Variants in NOX4 observed in about 807,000 individuals in gnomAD.
NOX4 encodes the protein NADPH oxidase 4.
A neutral mutation model predicts 87.6 loss-of-function variants in NOX4; 69 were observed. The ratio of observed to expected loss-of-function variants is 0.79; its 90% CI spans 0.65 to 0.96. The LOEUF is 0.96. Ranked by LOEUF, NOX4 falls within the 40% of genes least tolerant of loss-of-function variation. The pLI, the probability that NOX4 is intolerant of heterozygous loss-of-function variation, is 0.00. For synonymous variants in NOX4, 275 were observed against 238.2 expected (o/e 1.15, Z -1.42); for missense variants, 680 against 681.5 (o/e 1.00, Z 0.02).
At chr11:89,444,925 C>A (rs319028) in intron 4 of NOX4, among the ~76,000 whole-genome samples, 67 of 152,008 alleles carry the variant, frequency 4.4e-4, no homozygotes, top group Non-Finnish European at 7.9e-4. Context: ...TTTGGCAAAG[C>A]TAGGGTAATA....
chr11:89,381,619 G>C (rs2135096136), intron 11 of NOX4, among the ~76,000 whole-genome samples: 1 of 152,240 alleles, frequency 6.6e-6, no homozygotes, highest in Admixed American at 6.5e-5. Context: ...AAGCTTTATT[G>C]CTTAGCTTAA....
upstream of NOX4, chr11:89,491,495 AC>A: frequency 4.2e-6 from 2 of 479,978 alleles, no homozygotes. Context: ...AGCTGCCCAG[AC>A]GCCCAGCGCT....
intron 1 of NOX4, 134 bp downstream of exon 1, chr11:89,491,056 G>A: frequency 1.1e-6 from 1 of 879,512 alleles, no homozygotes; most frequent in South Asian, 1.5e-5. Context: ...CCAGCATAAA[G>A]TTTTGTAAGT....
At position 89,426,300 on chromosome 11, in the gene NOX4, C is replaced by T. The variant is rs568412010; in HGVS notation, c.549-4318G>A. Among the ~76,000 whole-genome samples the T allele has an allele frequency of 2.2e-4, 33 of 152,214 alleles. No homozygotes were observed. The East Asian group carries it at 2.3e-3, about 11-fold the overall frequency. On this transcript the variant is annotated intron_variant, in intron 7 of 17. Coordinates refer to ENST00000263317, the MANE Select transcript of NOX4 (RefSeq NM_016931.5). ...AGTCTACAGCTCTCAGTGTGAGCAACGCAGAGAAGGGTGATTTCTGCATTT... is the reference window on the plus strand; with the variant it reads ...AGTCTACAGCTCTCAGTGTGAGCAATGCAGAGAAGGGTGATTTCTGCATTT...
chr11:89,560,841 T>G, the NOX4 span, among the ~76,000 whole-genome samples: 1 of 150,962 alleles, frequency 6.6e-6, no homozygotes, highest in African/African-American at 2.4e-5. Flanking sequence ...ACACCATTTG[T>G]TTACCTTGTT....
At chr11:89,412,877 C>A (rs1942553359) in intron 8 of NOX4, among the ~76,000 whole-genome samples, 2 of 151,950 alleles carry the variant, frequency 1.3e-5, no homozygotes, top group Admixed American at 1.3e-4. Context: ...CATACATCAA[C>A]AAAGTAAAGA....
chr11:89,481,067 C>A (rs147127650), intron 2 of NOX4, among the ~76,000 whole-genome samples: 280 of 152,028 alleles, frequency 1.8e-3, no homozygotes, highest in African/African-American at 6.6e-3. Flanking sequence ...GTAACATGTT[C>A]CTACTGACGA....
At chr11:89,428,432 T>C (rs779489094) in intron 7 of NOX4, among the ~76,000 whole-genome samples, 2 of 151,824 alleles carry the variant, frequency 1.3e-5, no homozygotes, top group Non-Finnish European at 2.9e-5. Flanking sequence ...GCAAACTGGA[T>C]AGAGTCAAGA....
intron 2 of NOX4, among the ~76,000 whole-genome samples, chr11:89,463,653 T>G (rs1945562245): frequency 6.6e-6 from 1 of 151,988 alleles, no homozygotes; most frequent in Non-Finnish European, 1.5e-5. Context: ...TAATAAATAG[T>G]GTTTTCAGGA....
intron 3 of NOX4, among the ~76,000 whole-genome samples, chr11:89,450,991 C>G (rs1171671851): frequency 6.8e-6 from 1 of 147,438 alleles, no homozygotes; most frequent in Non-Finnish European, 1.5e-5. Flanking sequence ...CATGTCCTCA[C>G]TCATAGGTGG....
At position 89,340,304 on chromosome 11, in the gene NOX4, T is replaced by C; in HGVS notation, c.1338-133A>G. ...TATCCAATAGAAACCAACAGAAAAATCAGTCATTTACATTCTAGCGTCTGA... is the reference window on the plus strand; with the variant it reads ...TATCCAATAGAAACCAACAGAAAAACCAGTCATTTACATTCTAGCGTCTGA... On this transcript the variant is annotated intron_variant, in intron 14 of 17. Coordinates refer to ENST00000263317, the MANE Select transcript of NOX4 (RefSeq NM_016931.5). 3 of 615,280 alleles carry C rather than the reference T, an allele frequency of 4.9e-6. 1 individual carries two copies. Among genetic ancestry groups the C allele is most frequent in the Middle Eastern group, 6.6e-4 (2 of 3,018 alleles). 38.1% of individuals were successfully genotyped at this position (615,280 alleles called of 1,614,324 possible).
chr11:89,484,029 T>C (rs1370283507), intron 2 of NOX4, among the ~76,000 whole-genome samples: 8 of 152,124 alleles, frequency 5.3e-5, no homozygotes, highest in African/African-American at 1.9e-4. Context: ...ATGCCTTCCA[T>C]ACTATGGATG....
At chr11:89,343,563 T>C (rs2134920466) in intron 13 of NOX4, among the ~76,000 whole-genome samples, 1 of 152,288 alleles carries the variant, frequency 6.6e-6, no homozygotes, top group South Asian at 2.1e-4. Flanking sequence ...ATCTACTTTT[T>C]TGAGGGAGAT....
At chr11:89,584,077 C>A in the NOX4 span, among the ~76,000 whole-genome samples, 1 of 152,070 alleles carries the variant, frequency 6.6e-6, no homozygotes, top group African/African-American at 2.4e-5. Flanking sequence ...CACAGTCTCT[C>A]CTCTTGGGTA....
At chr11:89,529,836 G>A in the NOX4 span, among the ~76,000 whole-genome samples, 2 of 152,232 alleles carry the variant, frequency 1.3e-5, no homozygotes, top group Admixed American at 6.5e-5. Context: ...TATCAAACTG[G>A]ACACAATGTA....
At chr11:89,506,303 G>GAGAA in the NOX4 span, among the ~76,000 whole-genome samples, 15 of 139,966 alleles carry the variant, frequency 1.1e-4, no homozygotes, top group East Asian at 2.4e-3. Flanking sequence ...AAGAAAGAAA[G>GAGAA]AGAGAGAAAG....
chr11:89,516,057 T>G, the NOX4 span, among the ~76,000 whole-genome samples: 1 of 152,196 alleles, frequency 6.6e-6, no homozygotes, highest in South Asian at 2.1e-4. Flanking sequence ...GTATTATATA[T>G]TCACTTTTTA....
chr11:89,569,920 C>T, the NOX4 span, among the ~76,000 whole-genome samples: 1,113 of 150,426 alleles, frequency 7.4e-3, 4 homozygotes, highest in Non-Finnish European at 0.01. Context: ...GAGAATGGCA[C>T]GAACCTGGGA....
chr11:89,581,906 T>G, the NOX4 span, among the ~76,000 whole-genome samples: 1 of 152,164 alleles, frequency 6.6e-6, no homozygotes, highest in Non-Finnish European at 1.5e-5. Flanking sequence ...GAAAGCAAAC[T>G]TTTAAGTATA....
Sources: allele counts gnomAD v4.1 joint callset (sites outside exome capture counted in the v4.1 genomes callset), GRCh38; gene constraint gnomAD v4.1.1; transcripts MANE v1.5; gene names NCBI Gene and HGNC (gene_info 2026-07-23, HGNC 2026-07-21).